KIAA1549L: variants seen among roughly 807,000 people sequenced by gnomAD.
KIAA1549L encodes UPF0606 protein KIAA1549L.
In KIAA1549L, 88 loss-of-function variants were observed where a neutral mutation model predicts 160.7. The observed-to-expected ratio is 0.55, with a 90% CI of 0.46 to 0.65. The LOEUF is 0.65. Ranked by LOEUF, KIAA1549L falls within the 30% of genes least tolerant of loss-of-function variation. The pLI, the probability that KIAA1549L is intolerant of heterozygous loss-of-function variation, is 0.00. For synonymous variants in KIAA1549L, 950 were observed against 976.7 expected, an observed-to-expected ratio of 0.97 and a Z score of 0.51; for missense variants, 2,258 against 2,437.5, an observed-to-expected ratio of 0.93 and a Z score of 1.55.
At chr11:33,518,871 A>C (rs1853417069) in intron 1 of KIAA1549L, among the ~76,000 whole-genome samples, 1 of 152,204 alleles carries the variant, frequency 6.6e-6, no homozygotes, top group Admixed American at 6.5e-5. Flanking sequence ...TGATTTGGGA[A>C]TATTTACATT....
chr11:33,539,033 T>C (rs1196140711), intron 1 of KIAA1549L, among the ~76,000 whole-genome samples: 3 of 152,218 alleles, frequency 2.0e-5, no homozygotes, highest in African/African-American at 7.2e-5. Context: ...ATAATTTCAG[T>C]CTGTTGACAT....
intron 1 of KIAA1549L, among the ~76,000 whole-genome samples, chr11:33,384,014 A>G (rs979713427): frequency 1.3e-5 from 2 of 152,188 alleles, no homozygotes; most frequent in Non-Finnish European, 2.9e-5. Flanking sequence ...CATCCTTTGT[A>G]GGTGTGCTGC....
At chr11:33,493,530 G>A (rs1375120750) in intron 1 of KIAA1549L, among the ~76,000 whole-genome samples, 1 of 152,224 alleles carries the variant, frequency 6.6e-6, no homozygotes, top group Non-Finnish European at 1.5e-5. Context: ...GTCTGTTGAA[G>A]AGGATGATCT....
At chr11:33,379,187 A>T (rs886287762) in intron 1 of KIAA1549L, among the ~76,000 whole-genome samples, 42 of 152,194 alleles carry the variant, frequency 2.8e-4, no homozygotes, top group African/African-American at 1.0e-3. Context: ...TTGGTTGAAA[A>T]ATGGGCAAAC....
intron 1 of KIAA1549L, among the ~76,000 whole-genome samples, chr11:33,398,732 T>A (rs953562493): frequency 6.6e-6 from 1 of 152,214 alleles, no homozygotes; most frequent in African/African-American, 2.4e-5. Context: ...ATATCTTTCC[T>A]TTCATCTTTT....
intron 20 of KIAA1549L, 120 bp downstream of exon 20, chr11:33,661,134 T>C: frequency 9.9e-7 from 1 of 1,005,254 alleles, no homozygotes; most frequent in South Asian, 1.7e-5. Context: ...AGTACCCGGA[T>C]GACTAAAGTC....
At chr11:33,644,729 T>C (rs148589400) in intron 16 of KIAA1549L, among the ~76,000 whole-genome samples, 24 of 152,376 alleles carry the variant, frequency 1.6e-4, no homozygotes, top group African/African-American at 5.8e-4. Context: ...CTTTATGGGG[T>C]CTAGCTATTG....
intron 9 of KIAA1549L, among the ~76,000 whole-genome samples, chr11:33,570,892 T>C (rs547805995): frequency 1.9e-4 from 29 of 152,226 alleles, no homozygotes; most frequent in African/African-American, 7.0e-4. Context: ...TATTGATGAG[T>C]GTGGAGCGAA....
At chr11:33,419,999 C>T (rs942658620) in intron 1 of KIAA1549L, among the ~76,000 whole-genome samples, 9 of 152,086 alleles carry the variant, frequency 5.9e-5, no homozygotes, top group African/African-American at 1.9e-4. Flanking sequence ...AACAGTGGCA[C>T]TGGCCTAATA....
At chr11:33,493,441 G>A (rs1178946453) in intron 1 of KIAA1549L, among the ~76,000 whole-genome samples, 2 of 152,092 alleles carry the variant, frequency 1.3e-5, no homozygotes, top group East Asian at 3.9e-4. Flanking sequence ...CCACTCTGTG[G>A]ACTGAGACAG....
chr11:33,449,673 C>G (rs1189269719), intron 1 of KIAA1549L, among the ~76,000 whole-genome samples: 1 of 151,190 alleles, frequency 6.6e-6, no homozygotes, highest in East Asian at 1.9e-4. Context: ...TCCTGATGGT[C>G]CTCTCTGACC....
intron 1 of KIAA1549L, among the ~76,000 whole-genome samples, chr11:33,508,599 C>T (rs769980921): frequency 1.3e-5 from 2 of 152,214 alleles, no homozygotes; most frequent in Non-Finnish European, 2.9e-5. Context: ...GGGCAATGTA[C>T]TTTTCCCCAT....
intron 14 of KIAA1549L, among the ~76,000 whole-genome samples, chr11:33,608,203 A>G (rs943924494): frequency 4.6e-5 from 7 of 152,250 alleles, no homozygotes; most frequent in Admixed American, 4.6e-4. Context: ...GTGCCTCAGT[A>G]TCTCCGTTTA....
intron 1 of KIAA1549L, among the ~76,000 whole-genome samples, chr11:33,536,343 G>A (rs975626256): frequency 6.6e-6 from 1 of 152,230 alleles, no homozygotes. Context: ...TGATTCAAAT[G>A]GTTAGGGGAA....
At chr11:33,649,908 C>T (rs1006989988) in intron 17 of KIAA1549L, among the ~76,000 whole-genome samples, 1 of 151,086 alleles carries the variant, frequency 6.6e-6, no homozygotes, top group South Asian at 2.1e-4. Flanking sequence ...AGAAATGTTA[C>T]ATTTCTTGTG....
At chr11:33,377,970 G>C (rs1276535488) in intron 1 of KIAA1549L, among the ~76,000 whole-genome samples, 1 of 152,188 alleles carries the variant, frequency 6.6e-6, no homozygotes, top group Non-Finnish European at 1.5e-5. Context: ...GTTACTGTCA[G>C]ATAATGTTCT....
In KIAA1549L at chr11:33,505,962, G is replaced by A. The variant is rs75088611; in HGVS notation, c.239-35840G>A. Among the ~76,000 whole-genome samples the A allele has an allele frequency of 1.3e-3, 195 of 152,234 alleles. 4 individuals carry two copies. The highest frequency in any genetic ancestry group is 4.5e-3 in the African/African-American group (188 of 41,520). Reference sequence around the variant, plus strand: ...CAGGGTAAATTATGTATATCATATGGTATCTTATTTTCATCAATACCATAA... The same window carrying A: ...CAGGGTAAATTATGTATATCATATGATATCTTATTTTCATCAATACCATAA... On this transcript the variant is annotated intron_variant, in intron 1 of 20. Coordinates refer to ENST00000658780, the MANE Select transcript of KIAA1549L (RefSeq NM_012194.3).
rs1170284683 is a variant in KIAA1549L at position 33,376,790 on chromosome 11, G to A, written c.139G>A (p.Gly47Arg). The A allele has an allele frequency of 1.3e-5, 2 of 151,894 alleles. No homozygotes were observed. Among genetic ancestry groups the A allele is most frequent in the African/African-American group, 2.4e-5 (1 of 41,390 alleles). The allele number at this position is 151,894 out of a possible 1,614,324, so 9.4% of individuals were successfully genotyped here. A position where few individuals can be genotyped will look rare whatever the true frequency, so the allele number is the denominator to read the frequency against. Residue 47 changes from glycine (G) to arginine (R), a missense_variant, in exon 1 of 21, where the codon GGG (glycine) becomes AGG (arginine). Gly to Arg is a moderately radical substitution (Grantham distance 125). Around this residue, in one of 6 missense-constraint regions of KIAA1549L, gnomAD observed 540 missense variants for 465.7 expected, o/e 1.16. Coordinates refer to ENST00000658780, the MANE Select transcript of KIAA1549L (RefSeq NM_012194.3). This position sits in a 1 kb window ranked among gnomAD's most constrained non-coding sequence, Gnocchi z 5.8. ...AARCTGVRGPGAGASHDAPPR... is the reference protein window; with the variant it reads ...AARCTGVRGPRAGASHDAPPR... ...GCGCTGCACGGGTGTGAGGGGCCCC[G>A]GGGCCGGCGCGTCCCACGATGCGCC...
chr11:33,567,748 C>T (rs16924441), intron 8 of KIAA1549L, among the ~76,000 whole-genome samples: 7,814 of 152,226 alleles, frequency 0.051, 669 homozygotes, highest in African/African-American at 0.17. Flanking sequence ...GAGTTAAATA[C>T]GGCAGCATTC....
Sources: allele counts gnomAD v4.1 joint callset (sites outside exome capture counted in the v4.1 genomes callset), GRCh38; gene constraint gnomAD v4.1.1; regional missense constraint gnomAD v4.1.1; non-coding constraint Gnocchi (gnomAD v3.1); transcripts MANE v1.5; gene names NCBI Gene and HGNC (gene_info 2026-07-23, HGNC 2026-07-21).